The following GRID2 variants were observed in gnomAD, a reference collection of about 807,000 sequenced individuals.
The protein encoded by GRID2 is glutamate receptor ionotropic, delta-2.
A neutral mutation model predicts 114.8 loss-of-function variants in GRID2; 33 were observed. The ratio of observed to expected loss-of-function variants is 0.29; its 90% CI spans 0.22 to 0.38. The LOEUF is 0.38. GRID2 is among the 10% of genes least tolerant of loss of function. GRID2 has a pLI of 1.00. For synonymous variants in GRID2, 505 were observed against 449.9 expected (o/e 1.12, Z -1.55); for missense variants, 1,184 against 1,257.7 (o/e 0.94, Z 0.89).
intron 1 of GRID2, among the ~76,000 whole-genome samples, chr4:92,431,848 G>T (rs1178932366): frequency 1.3e-5 from 2 of 152,164 alleles, no homozygotes; most frequent in Non-Finnish European, 2.9e-5. Context: ...CACAGTTTAT[G>T]CTTGTTTGTA....
chr4:93,765,946 T>C (rs1012904289), intron 14 of GRID2, among the ~76,000 whole-genome samples: 1 of 151,986 alleles, frequency 6.6e-6, no homozygotes, highest in African/African-American at 2.4e-5. Context: ...ATTAAATGGA[T>C]AGATGAATAA....
At chr4:92,373,248 A>G (rs1729199463) in intron 1 of GRID2, among the ~76,000 whole-genome samples, 1 of 152,196 alleles carries the variant, frequency 6.6e-6, no homozygotes, top group Non-Finnish European at 1.5e-5. Context: ...GATAGCCAAG[A>G]TAGGGGAAGT....
chr4:92,541,155 AG>A (rs1360542695), intron 1 of GRID2, among the ~76,000 whole-genome samples: 1 of 150,832 alleles, frequency 6.6e-6, no homozygotes, highest in Non-Finnish European at 1.5e-5. Context: ...GGGTGGGGAG[AG>A]GGGGGAGGGA....
chr4:93,357,362 A>C (rs529401028), intron 8 of GRID2, among the ~76,000 whole-genome samples: 1 of 151,570 alleles, frequency 6.6e-6, no homozygotes, highest in Non-Finnish European at 1.5e-5. Flanking sequence ...GAATTAAAAA[A>C]TAATTTAATT....
chr4:92,738,814 C>T (rs1736727278), intron 2 of GRID2, among the ~76,000 whole-genome samples: 1 of 151,976 alleles, frequency 6.6e-6, no homozygotes. Flanking sequence ...ACCATGTCAG[C>T]TAATTTCTTA....
intron 1 of GRID2, among the ~76,000 whole-genome samples, chr4:92,481,076 G>A (rs1722563666): frequency 6.6e-6 from 1 of 152,128 alleles, no homozygotes; most frequent in African/African-American, 2.4e-5. Flanking sequence ...TTAAATTTCT[G>A]AAGTCAGCAG....
At chr4:93,168,445 A>G (rs1225083082) in intron 4 of GRID2, among the ~76,000 whole-genome samples, 1 of 152,138 alleles carries the variant, frequency 6.6e-6, no homozygotes, top group Non-Finnish European at 1.5e-5. Flanking sequence ...AAATGTGTGT[A>G]TATATATGTA....
intron 1 of GRID2, among the ~76,000 whole-genome samples, chr4:92,434,014 A>T (rs1358822234): frequency 6.6e-6 from 1 of 152,232 alleles, no homozygotes; most frequent in Non-Finnish European, 1.5e-5. Context: ...AGTTTTCTAT[A>T]AACCCACGTC....
At chr4:92,459,819 G>A (rs1416581632) in intron 1 of GRID2, among the ~76,000 whole-genome samples, 3 of 151,240 alleles carry the variant, frequency 2.0e-5, no homozygotes, top group Non-Finnish European at 4.4e-5. Flanking sequence ...TAAAGCAGAT[G>A]ACCCTCTATA....
At chr4:93,208,180 C>T (rs964273952) in intron 5 of GRID2, among the ~76,000 whole-genome samples, 1 of 151,830 alleles carries the variant, frequency 6.6e-6, no homozygotes, top group African/African-American at 2.4e-5. Flanking sequence ...GTAATATTTA[C>T]TTATTCATTA....
intron 2 of GRID2, among the ~76,000 whole-genome samples, chr4:92,697,450 T>G (rs764555918): frequency 2.0e-5 from 3 of 152,152 alleles, no homozygotes; most frequent in Non-Finnish European, 4.4e-5. Flanking sequence ...GATTCTTAAT[T>G]GCAAAAGACT....
At chr4:92,760,822 TA>T (rs200786751) in intron 2 of GRID2, among the ~76,000 whole-genome samples, 1,871 of 152,306 alleles carry the variant, frequency 0.012, 23 homozygotes, top group Non-Finnish European at 0.015. Flanking sequence ...TGTTGGGCTT[TA>T]TTTGTTCTTT....
At chr4:93,572,211 G>A (rs562337940) in intron 13 of GRID2, among the ~76,000 whole-genome samples, 2 of 152,144 alleles carry the variant, frequency 1.3e-5, no homozygotes, top group Admixed American at 6.6e-5. Flanking sequence ...TATCTGATAC[G>A]TCTATTTCAT....
Position 93,110,924 on chromosome 4 carries a change from C to T in GRID2, c.706C>T (p.Pro236Ser), listed in dbSNP as rs367770083. The T allele has an allele frequency of 1.3e-5, 21 of 1,610,794 alleles. No homozygotes were observed. The highest frequency in any genetic ancestry group is 1.8e-5 in the Non-Finnish European group (21 of 1,177,092). The change falls in exon 4 of 16, where the codon CCT becomes TCT. Residue 236 changes from proline (P) to serine (S), a missense_variant. Transcript: ENST00000282020. ...TLRRAILVMN[P>S]ATAKSFITEV... ...TAGGCGAGCGATCCTTGTTATGAAT[C>T]CTGCTACAGCCAAATCCTTCATTAC... is the stretch of plus-strand genomic sequence containing the variant.
chr4:92,795,804 G>C (rs956708849), intron 2 of GRID2, among the ~76,000 whole-genome samples: 14 of 151,900 alleles, frequency 9.2e-5, no homozygotes, highest in Non-Finnish European at 1.9e-4. Flanking sequence ...GGGTTCAAAA[G>C]CACTCATCTC....
intron 8 of GRID2, among the ~76,000 whole-genome samples, chr4:93,318,023 T>TATATATATATA (rs1560493013): frequency 1.4e-5 from 1 of 70,810 alleles, no homozygotes; most frequent in Admixed American, 1.6e-4. Context: ...ATATATATAT[T>TATATATATATA]ACTACTTTCT....
chr4:92,458,010 G>A (rs1223629307), intron 1 of GRID2, among the ~76,000 whole-genome samples: 7 of 152,188 alleles, frequency 4.6e-5, no homozygotes, highest in Non-Finnish European at 1.5e-5. Flanking sequence ...ATAAAGGGAA[G>A]TGATTAAATC....
At chr4:92,385,900 G>GTATATATATATA (rs34904839) in intron 1 of GRID2, among the ~76,000 whole-genome samples, 1 of 61,092 alleles carries the variant, frequency 1.6e-5, no homozygotes, top group Non-Finnish European at 3.9e-5. Flanking sequence ...GTGTGTGTGT[G>GTATATATATATA]TATATATATA....
chr4:93,339,930 G>A (rs936378661), intron 8 of GRID2, among the ~76,000 whole-genome samples: 1 of 152,116 alleles, frequency 6.6e-6, no homozygotes, highest in Admixed American at 6.5e-5. Flanking sequence ...ACTATCACAA[G>A]AAGAGCATTG....
Sources: allele counts gnomAD v4.1 joint callset (sites outside exome capture counted in the v4.1 genomes callset), GRCh38; gene constraint gnomAD v4.1.1; transcripts MANE v1.5; gene names NCBI Gene and HGNC (gene_info 2026-07-23, HGNC 2026-07-21).